The following TOX variants were observed in gnomAD, a reference collection of about 807,000 sequenced individuals.
The protein encoded by TOX is thymocyte selection associated high mobility group box.
In TOX, 11 loss-of-function variants were observed where a neutral mutation model predicts 53.7. The ratio of observed to expected loss-of-function variants is 0.20; its 90% CI spans 0.13 to 0.34. The LOEUF (loss-of-function observed/expected upper bound fraction) is 0.34, where lower values mean the gene tolerates loss of function less well. Among genes scored for constraint, TOX ranks in the 10% least tolerant of loss-of-function variants. TOX has a pLI of 1.00. For synonymous variants in TOX, 225 were observed against 245.3 expected (o/e 0.92, Z 0.77); for missense variants, 570 against 664.6 (o/e 0.86, Z 1.56).
At chr8:58,828,871 C>G (rs1481627499) in intron 5 of TOX, among the ~76,000 whole-genome samples, 1 of 152,158 alleles carries the variant, frequency 6.6e-6, no homozygotes, top group Non-Finnish European at 1.5e-5. Flanking sequence ...AGATAGAAAT[C>G]CTATTCAGGA....
intron 1 of TOX, among the ~76,000 whole-genome samples, chr8:59,088,693 C>A (rs574354827): frequency 4.1e-4 from 62 of 152,320 alleles, no homozygotes; most frequent in African/African-American, 1.5e-3. Context: ...ATAAGGATGT[C>A]ATTTTCAATT....
At chr8:59,116,761 A>G (rs374315) in intron 1 of TOX, among the ~76,000 whole-genome samples, 21,908 of 152,086 alleles carry the variant, frequency 0.14, 1,974 homozygotes, top group African/African-American at 0.26. Context: ...TAAATAGAAG[A>G]CTCGCAACTA....
At chr8:58,827,358 A>G (rs1810382742) in intron 5 of TOX, among the ~76,000 whole-genome samples, 1 of 152,228 alleles carries the variant, frequency 6.6e-6, no homozygotes, top group Non-Finnish European at 1.5e-5. Flanking sequence ...ATCATGTTCA[A>G]TAAGCAAATC....
chr8:58,914,850 G>A lies in TOX; in HGVS notation c.411+24452C>T, dbSNP rs200916030. ...GCGCAGGCCAGTGTGTGCGCGCACCGTGCGCGAGCCGAAGCAGGGCGAGGC... is the reference window on the plus strand; with the variant it reads ...GCGCAGGCCAGTGTGTGCGCGCACCATGCGCGAGCCGAAGCAGGGCGAGGC... On this transcript the variant is annotated intron_variant, in intron 3 of 8. Coordinates refer to ENST00000361421, the MANE Select transcript of TOX (RefSeq NM_014729.3). Among the ~76,000 whole-genome samples, 1,340 of 151,774 alleles carry A rather than the reference G, an allele frequency of 8.8e-3. 111 individuals are homozygous for A. The East Asian group carries it at 0.19, about 22-fold the overall frequency.
chr8:58,965,178 G>C (rs1268002687), intron 1 of TOX, among the ~76,000 whole-genome samples: 1 of 152,114 alleles, frequency 6.6e-6, no homozygotes, highest in African/African-American at 2.4e-5. Flanking sequence ...AAGTTTGAAA[G>C]AATAAATAGG....
At chr8:59,057,524 G>A (rs774499632) in intron 1 of TOX, among the ~76,000 whole-genome samples, 2 of 152,220 alleles carry the variant, frequency 1.3e-5, no homozygotes, top group Non-Finnish European at 2.9e-5. Context: ...AAGGATTAGA[G>A]ATATTAAAGA....
intron 1 of TOX, among the ~76,000 whole-genome samples, chr8:59,115,389 C>T (rs928141896): frequency 3.9e-5 from 6 of 152,180 alleles, no homozygotes; most frequent in African/African-American, 1.2e-4. Flanking sequence ...AATGACGCTG[C>T]ACTAAGAAAC....
chr8:58,842,532 T>A (rs1292964053), intron 4 of TOX, among the ~76,000 whole-genome samples: 1 of 152,164 alleles, frequency 6.6e-6, no homozygotes, highest in Non-Finnish European at 1.5e-5. Flanking sequence ...TAAGACAATT[T>A]CCCTCCTCTA....
At chr8:58,813,665 C>T (rs555432458) in intron 7 of TOX, among the ~76,000 whole-genome samples, 18 of 152,258 alleles carry the variant, frequency 1.2e-4, no homozygotes, top group African/African-American at 3.4e-4. Flanking sequence ...TGGCTTTCTA[C>T]GTACTCTTCT....
intron 3 of TOX, among the ~76,000 whole-genome samples, chr8:58,878,383 C>G (rs1811322691): frequency 1.3e-5 from 2 of 152,158 alleles, no homozygotes; most frequent in African/African-American, 4.8e-5. Flanking sequence ...GCCAAAGAAA[C>G]TTTAGAATTT....
chr8:58,844,048 C>A (rs1810684651), intron 4 of TOX, among the ~76,000 whole-genome samples: 1 of 152,026 alleles, frequency 6.6e-6, no homozygotes, highest in Non-Finnish European at 1.5e-5. Flanking sequence ...TGTCCCTGGA[C>A]CTTAATTTTG....
chr8:59,049,531 AT>A (rs961090840), intron 1 of TOX, among the ~76,000 whole-genome samples: 2 of 152,090 alleles, frequency 1.3e-5, no homozygotes, highest in East Asian at 1.9e-4. Flanking sequence ...TAGAAACTGG[AT>A]TTTTTTTCGA....
chr8:59,032,094 C>A (rs190331843), intron 1 of TOX, among the ~76,000 whole-genome samples: 76 of 152,268 alleles, frequency 5.0e-4, no homozygotes, highest in Admixed American at 9.8e-4. Flanking sequence ...ATACGAGCTG[C>A]ACTCATGGTT....
intron 1 of TOX, among the ~76,000 whole-genome samples, chr8:59,006,638 A>G (rs1330963523): frequency 6.6e-6 from 1 of 152,198 alleles, no homozygotes; most frequent in Non-Finnish European, 1.5e-5. Flanking sequence ...CTAATCCTCT[A>G]GGAACTTTTA....
chr8:58,950,416 C>T (rs1413566168), intron 2 of TOX, among the ~76,000 whole-genome samples: 1 of 152,106 alleles, frequency 6.6e-6, no homozygotes, highest in African/African-American at 2.4e-5. Context: ...TTTGCCTCCT[C>T]AATCAAGGGG....
chr8:58,910,650 G>A (rs761737380), intron 3 of TOX, among the ~76,000 whole-genome samples: 4 of 152,186 alleles, frequency 2.6e-5, no homozygotes, highest in African/African-American at 7.2e-5. Flanking sequence ...TAAAAAGTAT[G>A]ATTTGATTTA....
chr8:58,914,746 A>G (rs1407558995), intron 3 of TOX, among the ~76,000 whole-genome samples: 2 of 143,020 alleles, frequency 1.4e-5, no homozygotes, highest in African/African-American at 2.5e-5. Flanking sequence ...TCCCAGCGTG[A>G]GCGACGCAGA....
intron 3 of TOX, among the ~76,000 whole-genome samples, chr8:58,863,802 GAGAC>G (rs1811050328): frequency 6.6e-6 from 1 of 152,054 alleles, no homozygotes; most frequent in Admixed American, 6.5e-5. Context: ...AAAGACAGAT[GAGAC>G]TATCCCTGTA....
intron 1 of TOX, among the ~76,000 whole-genome samples, chr8:59,023,131 CT>C (rs1814167158): frequency 6.6e-6 from 1 of 152,176 alleles, no homozygotes; most frequent in Non-Finnish European, 1.5e-5. Flanking sequence ...GAGGACCAAT[CT>C]CGCTGAGAAA....
Sources: gnomAD v4.1 joint callset for allele counts (sites outside exome capture counted in the v4.1 genomes callset) on GRCh38, gnomAD v4.1.1 for gene constraint, MANE v1.5 for transcripts, NCBI Gene and HGNC (gene_info 2026-07-23, HGNC 2026-07-21) for gene names.